Variants in OSBPL3 observed in about 807,000 individuals in gnomAD.
The protein encoded by OSBPL3 is oxysterol binding protein like 3.
In OSBPL3, 65 loss-of-function variants were observed where a neutral mutation model predicts 120.1. The observed-to-expected ratio is 0.54, with a 90% CI of 0.44 to 0.67. OSBPL3 has a LOEUF of 0.67. Ranked by LOEUF, OSBPL3 falls within the 30% of genes least tolerant of loss-of-function variation. OSBPL3 has a pLI of 0.00. For synonymous variants in OSBPL3, 416 were observed against 402.6 expected (o/e 1.03, Z -0.40); for missense variants, 1,004 against 1,082.1 (o/e 0.93, Z 1.01).
rs776726443 is a variant in OSBPL3 at position 24,830,783 on chromosome 7, C to G, written c.1869G>C (p.Gln623His). 1 of 1,610,396 alleles carries G rather than the reference C, an allele frequency of 6.2e-7. No individual in the cohort carries two copies. Among genetic ancestry groups the G allele is most frequent in the South Asian group, 1.1e-5 (1 of 89,872 alleles). ...GTACATCTACCTGTTCTGAAAAAAA[C>G]TGGAAGCCCTTGTCCTCCCGAATAC... ...YECIREDKGFQFFSEQVSHHP... is the reference protein window; with the variant it reads ...YECIREDKGFHFFSEQVSHHP... The change falls in exon 16 of 23, where the codon CAG (glutamine) becomes CAC (histidine). Residue 623 changes from glutamine to histidine, a missense_variant. Gln to His is a conservative substitution (Grantham distance 24, BLOSUM62 0). Around this residue, in one of 4 missense-constraint regions of OSBPL3, gnomAD observed 473 missense variants for 568.0 expected, o/e 0.83. Transcript: ENST00000313367. The surrounding 1 kb of genome is among the most constrained non-coding windows in gnomAD (Gnocchi z 4.4).
At chr7:24,948,114 G>C (rs998341065) in intron 1 of OSBPL3, among the ~76,000 whole-genome samples, 6 of 152,076 alleles carry the variant, frequency 3.9e-5, no homozygotes, top group Admixed American at 2.6e-4. Context: ...ACAGAGAAAC[G>C]GTCTCCCTTG....
Position 24,872,068 on chromosome 7 carries a change from T to G in OSBPL3, c.98A>C (p.Asp33Ala). The change falls in exon 3 of 23, where the codon GAC becomes GCC. Residue 33 changes from aspartate to alanine, a missense_variant and splice_region_variant. Transcript: ENST00000313367. This position sits in a 1 kb window ranked among gnomAD's most constrained non-coding sequence, Gnocchi z 4.1. The part of the protein sequence containing the change: ...SCSSKQGSRQ[D>A]SWEVVEGLRG... ...CAGTCCTTCCACCACTTCCCAGCTG[T>G]CCTGTTCCAACAAAAGAGTTCATGT... The G allele has an allele frequency of 1.3e-6, 2 of 1,591,062 alleles. No homozygotes were observed. Among genetic ancestry groups the G allele is most frequent in the Non-Finnish European group, 1.7e-6 (2 of 1,159,120 alleles).
chr7:24,849,092 T>C lies in OSBPL3; in HGVS notation c.1243A>G (p.Lys415Glu), dbSNP rs750107878. ...SLLLDSPAVAKSGDNLAEENS... is the reference protein window; with the variant it reads ...SLLLDSPAVAESGDNLAEENS... ...ACCTCTGCCAGATTGTCACCCGACT[T>C]GGCGACAGCGGGGGAGTCGAGGAGC... Residue 415 changes from lysine to glutamate, a missense_variant, in exon 12 of 23, where the codon AAG becomes GAG. Around this residue, in one of 4 missense-constraint regions of OSBPL3, gnomAD observed 272 missense variants for 248.8 expected, o/e 1.09. Coordinates refer to ENST00000313367, the MANE Select transcript of OSBPL3 (RefSeq NM_015550.4). The surrounding 1 kb of genome is among the most constrained non-coding windows in gnomAD (Gnocchi z 5.4). The C allele has an allele frequency of 1.9e-6, 3 of 1,613,746 alleles. No homozygotes were observed. The highest frequency in any genetic ancestry group is 1.1e-5 in the South Asian group (1 of 91,074).
At chr7:24,901,529 T>C (rs1807038466) in intron 1 of OSBPL3, among the ~76,000 whole-genome samples, 1 of 152,242 alleles carries the variant, frequency 6.6e-6, no homozygotes, top group Non-Finnish European at 1.5e-5. Flanking sequence ...ACCAGGCTCT[T>C]GCCAAACATT....
At position 24,800,073 on chromosome 7, in the gene OSBPL3, C is replaced by A; in HGVS notation, c.*110G>T. The A allele has an allele frequency of 1.6e-6, 1 of 613,394 alleles. No individual in the cohort carries two copies. The allele number at this position is 613,394 out of a possible 1,614,324, so 38.0% of individuals were successfully genotyped here. ...TAAAGAGTTACAATGCTAAGCTAAG[C>A]ACAAGTGATCATCCTAGAGTATCTT... On this transcript the variant is annotated 3_prime_UTR_variant, in exon 23 of 23. Transcript: ENST00000313367.
In OSBPL3 at chr7:24,918,770, A is replaced by G. The variant is rs1411439924; in HGVS notation, c.-149-26149T>C. 6.6e-6 allele frequency among the ~76,000 whole-genome samples: 1 copy of G among 152,222 alleles called. No homozygotes were observed. Among genetic ancestry groups the G allele is most frequent in the Non-Finnish European group, 1.5e-5 (1 of 68,018 alleles). On this transcript the variant is annotated intron_variant, in intron 1 of 22. Transcript: ENST00000313367. The surrounding 1 kb of genome is among the most constrained non-coding windows in gnomAD (Gnocchi z 4.3). ...AGAAAATTCAGTAATTCCAATTCCT[A>G]TGATGACCCTGGAGAAAATACTTTC...
Position 24,804,214 on chromosome 7 carries a change from T to C in OSBPL3, c.2567+101A>G. On this transcript the variant is annotated intron_variant, in intron 22 of 22. Coordinates refer to ENST00000313367, the MANE Select transcript of OSBPL3 (RefSeq NM_015550.4). This position sits in a 1 kb window ranked among gnomAD's most constrained non-coding sequence, Gnocchi z 5.4. Reference sequence around the variant, plus strand: ...GTGGAAGCAGGAAAAGCCTGGAGAATGCTCTTATCTGGGGACAGTACTGTT... The same window carrying C: ...GTGGAAGCAGGAAAAGCCTGGAGAACGCTCTTATCTGGGGACAGTACTGTT... 7.2e-7 allele frequency: 1 copy of C among 1,379,590 alleles called. No individual in the cohort carries two copies. Among genetic ancestry groups the C allele is most frequent in the African/African-American group, 1.4e-5 (1 of 69,754 alleles). 85.5% of individuals were successfully genotyped at this position (1,379,590 alleles called of 1,614,324 possible). A position where few individuals can be genotyped will look rare whatever the true frequency, so the allele number is the denominator to read the frequency against.
In OSBPL3 at chr7:24,852,391, G is replaced by T; in HGVS notation, c.1158+113C>A. 2.3e-6 allele frequency: 2 copies of T among 879,790 alleles called. No homozygotes were observed. Among genetic ancestry groups the T allele is most frequent in the Non-Finnish European group, 3.2e-6 (2 of 618,216 alleles). 54.5% of individuals were successfully genotyped at this position (879,790 alleles called of 1,614,324 possible). A position where few individuals can be genotyped will look rare whatever the true frequency, so the allele number is the denominator to read the frequency against. On this transcript the variant is annotated intron_variant, in intron 11 of 22. Coordinates refer to ENST00000313367, the MANE Select transcript of OSBPL3 (RefSeq NM_015550.4). The surrounding 1 kb of genome is among the most constrained non-coding windows in gnomAD (Gnocchi z 4.1). ...TTGATGAAAGGTTAGAATATAATTT[G>T]GATAATTTGGTTTTCTCCTGAATTT...
rs1818136306 is a variant in OSBPL3, at chr7:24,980,167, C to T, written c.-431G>A. 2.1e-6 allele frequency: 1 copy of T among 478,418 alleles called. No individual in the cohort carries two copies. The highest frequency in any genetic ancestry group is 2.7e-6 in the Non-Finnish European group (1 of 366,642). The allele number at this position is 478,418 out of a possible 1,614,324, so 29.6% of individuals were successfully genotyped here. A position where few individuals can be genotyped will look rare whatever the true frequency, so the allele number is the denominator to read the frequency against. ...ACGCGGCCAGTTCTGAGTACTTTGCCCAGAACTTCTCGGCGCGCGCCGCCC... is the reference window on the plus strand; with the variant it reads ...ACGCGGCCAGTTCTGAGTACTTTGCTCAGAACTTCTCGGCGCGCGCCGCCC... On this transcript the variant is annotated 5_prime_UTR_variant, in exon 1 of 23. Coordinates refer to ENST00000313367, the MANE Select transcript of OSBPL3 (RefSeq NM_015550.4).
Position 24,806,768 on chromosome 7 carries a change from A to G in OSBPL3, c.2444+8T>C, listed in dbSNP as rs1793096034. ...CTCTGGAGAGAAAAATCTTTAAAAA[A>G]TCCTTACCTCTGGTCTGGCCTAAAT... On this transcript the variant is annotated splice_region_variant and intron_variant, in intron 21 of 22. Transcript: ENST00000313367. The surrounding 1 kb of genome is among the most constrained non-coding windows in gnomAD (Gnocchi z 5.2). 2 of 1,612,036 alleles carry G rather than the reference A, an allele frequency of 1.2e-6. No homozygotes were observed. The highest frequency in any genetic ancestry group is 1.3e-5 in the African/African-American group (1 of 74,792).
rs1222019484 is a variant in OSBPL3 at position 24,835,034 on chromosome 7, C to T, written c.1496-298G>A. On this transcript the variant is annotated intron_variant, in intron 14 of 22. Coordinates refer to ENST00000313367, the MANE Select transcript of OSBPL3 (RefSeq NM_015550.4). The surrounding 1 kb of genome is among the most constrained non-coding windows in gnomAD (Gnocchi z 4.8). ...TAAAACTGGAAATTGGATTTCTATG[C>T]CTATAGTTGCTTATTGTTTATAAAA... is the stretch of plus-strand genomic sequence containing the variant. 1.3e-5 allele frequency among the ~76,000 whole-genome samples: 2 copies of T among 152,112 alleles called. No individual in the cohort carries two copies. Among genetic ancestry groups the T allele is most frequent in the African/African-American group, 4.8e-5 (2 of 41,412 alleles).
In OSBPL3 at chr7:24,966,152, C is replaced by T. The variant is rs1816351914; in HGVS notation, c.-150+13734G>A. 6.6e-6 allele frequency among the ~76,000 whole-genome samples: 1 copy of T among 152,218 alleles called. No homozygotes were observed. The highest frequency in any genetic ancestry group is 2.4e-5 in the African/African-American group (1 of 41,450). The stretch of plus-strand genomic sequence containing the variant: ...TAGCTACAGCAAGACCCACAGATCT[C>T]GCTTCCTACAACATGGGTATTTTCC... On this transcript the variant is annotated intron_variant, in intron 1 of 22. Transcript: ENST00000313367. This position sits in a 1 kb window ranked among gnomAD's most constrained non-coding sequence, Gnocchi z 4.8.
At chr7:24,917,458 T>TATATATATATTTGTAAC (rs1809834111) in intron 1 of OSBPL3, among the ~76,000 whole-genome samples, 1 of 121,226 alleles carries the variant, frequency 8.2e-6, no homozygotes, top group Non-Finnish European at 1.6e-5. Flanking sequence ...CACACACATA[T>TATATATATATTTGTAAC]ATATATATAT....
intron 1 of OSBPL3, among the ~76,000 whole-genome samples, chr7:24,943,983 C>G (rs1813394398): frequency 6.6e-6 from 1 of 151,298 alleles, no homozygotes; most frequent in African/African-American, 2.4e-5. Context: ...AATCAGTCTT[C>G]CTGGCATGGA....
chr7:24,807,930 T>A (rs1793280449), intron 20 of OSBPL3, among the ~76,000 whole-genome samples: 1 of 151,966 alleles, frequency 6.6e-6, no homozygotes, highest in Non-Finnish European at 1.5e-5. Context: ...AGGGTCTCAC[T>A]CTGTCCACCC....
rs757709901 is a variant in OSBPL3, at chr7:24,866,045, T to C, written c.549+25A>G. The C allele has an allele frequency of 2.3e-5, 37 of 1,598,454 alleles. No homozygotes were observed. The Middle Eastern group carries it at 5.0e-3, about 215-fold the overall frequency. The stretch of plus-strand genomic sequence containing the variant: ...AAACAAAGCCACCCCGTTCTCAGAT[T>C]CATTATTGGCAAAACACTCATTACC... On this transcript the variant is annotated intron_variant, in intron 6 of 22. Transcript: ENST00000313367.
In OSBPL3 at chr7:24,978,430, A is replaced by C. The variant is rs150619647; in HGVS notation, c.-150+1456T>G. On this transcript the variant is annotated intron_variant, in intron 1 of 22. Coordinates refer to ENST00000313367, the MANE Select transcript of OSBPL3 (RefSeq NM_015550.4). The stretch of plus-strand genomic sequence containing the variant: ...TCTGCATTCCTGGTACTTACATCCT[A>C]ATGAGGGAAGGCAGATAACCCAATA... Among the ~76,000 whole-genome samples, 154 of 152,306 alleles carry C rather than the reference A, an allele frequency of 1.0e-3. No homozygotes were observed. In the Middle Eastern group the frequency reaches 0.01, roughly 10 times the overall value.
intron 19 of OSBPL3, 120 bp downstream of exon 19, chr7:24,814,939 C>T (rs1315677612): frequency 1.1e-6 from 1 of 880,958 alleles, no homozygotes; most frequent in Non-Finnish European, 1.8e-6. Flanking sequence ...GGAGCTCAGG[C>T]ATTGCTTGCC....
chr7:24,977,516 T>C lies in OSBPL3; in HGVS notation c.-150+2370A>G, dbSNP rs138590567. ...AAACCTCGTTTTCCAATTCTTCACC[T>C]GAAAAATGGAGATAACCTCACAACA... On this transcript the variant is annotated intron_variant, in intron 1 of 22. Coordinates refer to ENST00000313367, the MANE Select transcript of OSBPL3 (RefSeq NM_015550.4). Among the ~76,000 whole-genome samples, 223 of 152,060 alleles carry C rather than the reference T, an allele frequency of 1.5e-3. 3 individuals carry two copies. The East Asian group carries it at 0.04, about 27-fold the overall frequency.
Sources: allele counts gnomAD v4.1 joint callset (sites outside exome capture counted in the v4.1 genomes callset), GRCh38; gene constraint gnomAD v4.1.1; regional missense constraint gnomAD v4.1.1; non-coding constraint Gnocchi (gnomAD v3.1); transcripts MANE v1.5; gene names NCBI Gene and HGNC (gene_info 2026-07-23, HGNC 2026-07-21).